Variants in PRKAG2 observed in about 807,000 individuals in gnomAD.
PRKAG2 encodes 5'-AMP-activated protein kinase subunit gamma-2.
A neutral mutation model predicts 69.6 loss-of-function variants in PRKAG2; 26 were observed. The ratio of observed to expected loss-of-function variants is 0.37; its 90% confidence interval spans 0.27 to 0.52. The LOEUF is 0.52. PRKAG2 is among the 20% of genes least tolerant of loss of function. The pLI is 0.90. For missense variants in PRKAG2, 557 were observed against 740.0 expected, an observed-to-expected ratio of 0.75 and a Z score of 2.87; for synonymous variants, 293 against 285.0, an observed-to-expected ratio of 1.03 and a Z score of -0.28.
At chr7:151,760,836 G>A (rs2075371185) in intron 3 of PRKAG2, among the ~76,000 whole-genome samples, 1 of 152,186 alleles carries the variant, frequency 6.6e-6, no homozygotes, top group African/African-American at 2.4e-5. Context: ...AGCTCTGCCA[G>A]CTTGGCCATG....
chr7:151,680,413 G>A (rs1215134181), intron 3 of PRKAG2, among the ~76,000 whole-genome samples: 1 of 152,164 alleles, frequency 6.6e-6, no homozygotes, highest in East Asian at 1.9e-4. Context: ...TCTCCAAGAT[G>A]GAGCGGTAAG....
At chr7:151,659,832 A>C (rs537204986) in intron 4 of PRKAG2, among the ~76,000 whole-genome samples, 27 of 152,376 alleles carry the variant, frequency 1.8e-4, no homozygotes, top group African/African-American at 6.5e-4. Flanking sequence ...GCTAGAAAAA[A>C]TTCGGAATGG....
intron 3 of PRKAG2, among the ~76,000 whole-genome samples, chr7:151,763,523 G>A (rs1472537179): frequency 6.6e-6 from 1 of 152,226 alleles, no homozygotes; most frequent in Non-Finnish European, 1.5e-5. Context: ...CCAGGGCCTT[G>A]AAGGAAGTTC....
chr7:151,733,847 C>T (rs1321248356), intron 3 of PRKAG2, among the ~76,000 whole-genome samples: 1 of 152,036 alleles, frequency 6.6e-6, no homozygotes, highest in African/African-American at 2.4e-5. Context: ...GGGTGTGCAC[C>T]ACCATGCCTG....
chr7:151,681,333 G>A (rs1318375238), intron 3 of PRKAG2, among the ~76,000 whole-genome samples: 1 of 152,194 alleles, frequency 6.6e-6, no homozygotes, highest in African/African-American at 2.4e-5. Flanking sequence ...TTTCCACCTG[G>A]CCTTCCTGTT....
chr7:151,764,480 C>T (rs2075619276), intron 3 of PRKAG2, among the ~76,000 whole-genome samples: 1 of 152,212 alleles, frequency 6.6e-6, no homozygotes, highest in South Asian at 2.1e-4. Flanking sequence ...GGCCTAGGGA[C>T]CTGCTACCCC....
chr7:151,622,617 A>T (rs1007296938), intron 5 of PRKAG2, among the ~76,000 whole-genome samples: 1 of 152,154 alleles, frequency 6.6e-6, no homozygotes, highest in African/African-American at 2.4e-5. Context: ...CTTTCTTGTG[A>T]GCTTGAACAA....
At chr7:151,624,519 C>G (rs1822383125) in intron 5 of PRKAG2, among the ~76,000 whole-genome samples, 1 of 152,240 alleles carries the variant, frequency 6.6e-6, no homozygotes, top group Non-Finnish European at 1.5e-5. Context: ...TAGTTCCCTT[C>G]CCCCAAAATC....
chr7:151,765,090 C>T (rs534177317), intron 3 of PRKAG2, among the ~76,000 whole-genome samples: 4 of 152,254 alleles, frequency 2.6e-5, no homozygotes, highest in South Asian at 4.2e-4. Flanking sequence ...TGTGTGAGCC[C>T]GCAGTCCATC....
chr7:151,623,043 C>T (rs1821898834), intron 5 of PRKAG2, among the ~76,000 whole-genome samples: 1 of 152,026 alleles, frequency 6.6e-6, no homozygotes. Context: ...TGAAATTGTT[C>T]CACCTCAGAT....
intron 5 of PRKAG2, among the ~76,000 whole-genome samples, chr7:151,622,295 C>T (rs769855386): frequency 2.6e-5 from 4 of 152,210 alleles, no homozygotes; most frequent in African/African-American, 7.2e-5. Context: ...ATTACACATA[C>T]GTCCATAAAT....
chr7:151,844,804 TAA>T (rs987534109), intron 1 of PRKAG2, among the ~76,000 whole-genome samples: 4 of 152,152 alleles, frequency 2.6e-5, no homozygotes, highest in African/African-American at 9.7e-5. Context: ...CGGCACAAAG[TAA>T]AGGCTCAGTA....
intron 1 of PRKAG2, among the ~76,000 whole-genome samples, chr7:151,795,674 G>A (rs1165324227): frequency 3.3e-5 from 5 of 151,762 alleles, no homozygotes; most frequent in Non-Finnish European, 7.4e-5. Flanking sequence ...GATGTGGGTG[G>A]GCCTCCCCCA....
chr7:151,709,583 G>A (rs1177012326), intron 3 of PRKAG2, among the ~76,000 whole-genome samples: 1 of 152,148 alleles, frequency 6.6e-6, no homozygotes, highest in Admixed American at 6.5e-5. Flanking sequence ...GTAACATTGA[G>A]TGTGACAGTG....
At chr7:151,855,173 A>G (rs867250809) in intron 1 of PRKAG2, among the ~76,000 whole-genome samples, 34 of 23,212 alleles carry the variant, frequency 1.5e-3, no homozygotes, top group African/African-American at 3.3e-3. Context: ...CACACACACC[A>G]CCCTCCACAC....
intron 3 of PRKAG2, among the ~76,000 whole-genome samples, 195 bp from the exon 4 acceptor site, chr7:151,675,832 C>A (rs1260454774): frequency 1.3e-5 from 2 of 148,350 alleles, no homozygotes; most frequent in Admixed American, 1.3e-4. Flanking sequence ...CCCGCCATGG[C>A]AGAGGGAGGC....
intron 3 of PRKAG2, among the ~76,000 whole-genome samples, chr7:151,740,694 G>A (rs1042703058): frequency 1.3e-5 from 2 of 152,224 alleles, no homozygotes; most frequent in African/African-American, 4.8e-5. Flanking sequence ...GTGAGTATGT[G>A]AGCCGTGGCT....
chr7:151,759,808 C>T (rs1050170180), intron 3 of PRKAG2, among the ~76,000 whole-genome samples: 7 of 152,172 alleles, frequency 4.6e-5, no homozygotes, highest in African/African-American at 1.4e-4. Context: ...AAGGGGACCC[C>T]GACCTACTCT....
Position 151,750,839 on chromosome 7 carries a change from C to A in PRKAG2, c.466+30313G>T, listed in dbSNP as rs189072064. Among the ~76,000 whole-genome samples, 672 of 151,448 alleles carry A rather than the reference C, an allele frequency of 4.4e-3. 8 individuals are homozygous for A. Among genetic ancestry groups the A allele is most frequent in the African/African-American group, 0.015 (625 of 41,228 alleles). ...GAGGTTGCAGTGAGCCAAGATGGCA[C>A]CACTACACTCCAGCCTGGGACAGAG... On this transcript the variant is annotated intron_variant, in intron 3 of 15. Transcript: ENST00000287878.
Sources: allele counts gnomAD v4.1 joint callset (sites outside exome capture counted in the v4.1 genomes callset), GRCh38; gene constraint gnomAD v4.1.1; transcripts MANE v1.5; gene names NCBI Gene and HGNC (gene_info 2026-07-23, HGNC 2026-07-21).